Variants in CTNNBIP1 observed in about 807,000 individuals in gnomAD.
CTNNBIP1 encodes catenin beta interacting protein 1.
In CTNNBIP1, 7 loss-of-function variants were observed where a neutral mutation model predicts 11.8. The observed-to-expected ratio is 0.60, with a 90% confidence interval of 0.34 to 1.12. CTNNBIP1 has a LOEUF of 1.12. Ranked by LOEUF, CTNNBIP1 falls within the 50% of genes most tolerant of loss-of-function variation. The pLI, the probability that CTNNBIP1 is intolerant of heterozygous loss-of-function variation, is 0.03. For missense variants in CTNNBIP1, 101 were observed against 113.4 expected (o/e 0.89, Z 0.50); for synonymous variants, 58 against 43.9 (o/e 1.32, Z -1.26).
At chr1:9,861,411 G>A (rs1409286574) in intron 5 of CTNNBIP1, among the ~76,000 whole-genome samples, 1 of 152,202 alleles carries the variant, frequency 6.6e-6, no homozygotes, top group Non-Finnish European at 1.5e-5. Context: ...TATGAGCTGG[G>A]TGTTCTATAC....
rs916110427 is a variant in CTNNBIP1 at position 9,883,914 on chromosome 1, C to T, written c.-143-176G>A. ...TGGGGGAGCTCAGGGGAGGTCACCA[C>T]CCAAACAGTCAAGGAGGAAGAAGGT... On this transcript the variant is annotated intron_variant, in intron 1 of 5. Transcript: ENST00000377263. The surrounding 1 kb of genome is among the most constrained non-coding windows in gnomAD (Gnocchi z 5.6). Among the ~76,000 whole-genome samples, 2 of 152,196 alleles carry T rather than the reference C, an allele frequency of 1.3e-5. No homozygotes were observed. The highest frequency in any genetic ancestry group is 2.1e-4 in the South Asian group (1 of 4,814).
At chr1:9,857,044 C>T (rs1638518668) in intron 5 of CTNNBIP1, among the ~76,000 whole-genome samples, 1 of 150,292 alleles carries the variant, frequency 6.7e-6, no homozygotes, top group Non-Finnish European at 1.5e-5. Context: ...ATCGCTTGAA[C>T]CCGGGAGGCA....
intron 2 of CTNNBIP1, among the ~76,000 whole-genome samples, chr1:9,878,993 C>T (rs538400962): frequency 1.2e-4 from 19 of 152,206 alleles, no homozygotes; most frequent in African/African-American, 3.6e-4. Flanking sequence ...GTCAGGCGTT[C>T]GAGACCAGCC....
At chr1:9,899,498 C>T (rs921385458) in intron 1 of CTNNBIP1, among the ~76,000 whole-genome samples, 10 of 148,952 alleles carry the variant, frequency 6.7e-5, no homozygotes, top group Non-Finnish European at 1.3e-4. Flanking sequence ...CAGTGCCTCA[C>T]GCCTGTAATC....
In CTNNBIP1 at chr1:9,871,167, C is replaced by A. The variant is rs1570573024; in HGVS notation, c.187+20G>T. ...CCTGGGACTTGTGCCACTGCCCCAGCCCCTCTGCCGCCAACTCACCCTGGT... is the reference window on the plus strand; with the variant it reads ...CCTGGGACTTGTGCCACTGCCCCAGACCCTCTGCCGCCAACTCACCCTGGT... On this transcript the variant is annotated intron_variant, in intron 5 of 5. Transcript: ENST00000377263. This position sits in a 1 kb window ranked among gnomAD's most constrained non-coding sequence, Gnocchi z 5.2. 1 of 1,545,294 alleles carries A rather than the reference C, an allele frequency of 6.5e-7. No individual in the cohort carries two copies. The highest frequency in any genetic ancestry group is 2.4e-5 in the East Asian group (1 of 41,922).
chr1:9,907,600 C>T lies in CTNNBIP1; in HGVS notation c.-144+2495G>A, dbSNP rs542004709. Reference sequence around the variant, plus strand: ...AATGTTCCCATTTAAACAATACAACCGGATGTGGGAATGAAACCCAGTGTA... The same window carrying T: ...AATGTTCCCATTTAAACAATACAACTGGATGTGGGAATGAAACCCAGTGTA... On this transcript the variant is annotated intron_variant, in intron 1 of 5. Transcript: ENST00000377263. Among the ~76,000 whole-genome samples, 6 of 152,262 alleles carry T rather than the reference C, an allele frequency of 3.9e-5. No homozygotes were observed. In the East Asian group the frequency reaches 5.8e-4, roughly 15 times the overall value.
intron 1 of CTNNBIP1, among the ~76,000 whole-genome samples, chr1:9,895,199 A>G (rs1271380515): frequency 6.9e-6 from 1 of 144,758 alleles, no homozygotes; most frequent in Non-Finnish European, 1.5e-5. Context: ...GAGCCACTGC[A>G]CCCGGCCTGT....
chr1:9,863,169 G>C (rs1023382295), intron 5 of CTNNBIP1, among the ~76,000 whole-genome samples: 8 of 152,178 alleles, frequency 5.3e-5, no homozygotes, highest in African/African-American at 7.2e-5. Flanking sequence ...CTGCACTTCA[G>C]CACATTCCTC....
intron 1 of CTNNBIP1, among the ~76,000 whole-genome samples, chr1:9,892,625 T>G (rs560579291): frequency 1.4e-4 from 22 of 151,794 alleles, no homozygotes; most frequent in Middle Eastern, 3.4e-3. Flanking sequence ...TTAAGGCCAC[T>G]GCCTCTTTCC....
In CTNNBIP1 at chr1:9,867,196, A is replaced by G. The variant is rs1220413; in HGVS notation, c.187+3991T>C. 0.14 allele frequency among the ~76,000 whole-genome samples: 21,028 copies of G among 152,114 alleles called. 1,640 individuals are homozygous for G. Among genetic ancestry groups the G allele is most frequent in the South Asian group, 0.2 (957 of 4,828 alleles). On this transcript the variant is annotated intron_variant, in intron 5 of 5. Transcript: ENST00000377263. The surrounding 1 kb of genome is among the most constrained non-coding windows in gnomAD (Gnocchi z 4.6). ...GCCAGTGAGGGGTGACGTGAAGGACAAGGGAGGGAAAGGAGGCTGTCATTG... is the reference window on the plus strand; with the variant it reads ...GCCAGTGAGGGGTGACGTGAAGGACGAGGGAGGGAAAGGAGGCTGTCATTG...
At chr1:9,897,306 T>G (rs1011892483) in intron 1 of CTNNBIP1, among the ~76,000 whole-genome samples, 1 of 151,550 alleles carries the variant, frequency 6.6e-6, no homozygotes, top group African/African-American at 2.4e-5. Flanking sequence ...TACAAAAAAT[T>G]AGCCAGATGT....
intron 2 of CTNNBIP1, among the ~76,000 whole-genome samples, chr1:9,878,729 G>A (rs1212848933): frequency 1.3e-5 from 2 of 152,224 alleles, no homozygotes; most frequent in Non-Finnish European, 2.9e-5. Flanking sequence ...AGAAGCAGGA[G>A]GCTGTGAGGG....
intron 1 of CTNNBIP1, among the ~76,000 whole-genome samples, chr1:9,895,924 G>T (rs762137191): frequency 6.6e-6 from 1 of 152,126 alleles, no homozygotes; most frequent in South Asian, 2.1e-4. Context: ...CACCACGCCC[G>T]ACCTTCCCAA....
At position 9,871,986 on chromosome 1, in the gene CTNNBIP1, G is replaced by A. The variant is rs770182367; in HGVS notation, c.79C>T (p.Arg27Trp). ...GCACTCACGTTTGATCCCATCTTCC[G>A]CAGCATGAGCAGCACTCGGACCTTC... is the stretch of plus-strand genomic sequence containing the variant. ...QQKVRVLLML[R>W]KMGSNLTASE... The change falls in exon 4 of 6, where the codon CGG becomes TGG. Residue 27 changes from arginine to tryptophan, a missense_variant. Transcript: ENST00000377263. This position sits in a 1 kb window ranked among gnomAD's most constrained non-coding sequence, Gnocchi z 5.2. 5.0e-6 allele frequency: 8 copies of A among 1,613,956 alleles called. No individual in the cohort carries two copies. Among genetic ancestry groups the A allele is most frequent in the South Asian group, 2.2e-5 (2 of 91,092 alleles).
intron 2 of CTNNBIP1, among the ~76,000 whole-genome samples, chr1:9,882,307 C>T (rs1000852179): frequency 1.3e-5 from 2 of 152,232 alleles, no homozygotes; most frequent in East Asian, 1.9e-4. Flanking sequence ...AAAAGAGCCA[C>T]GGCTCACATG....
chr1:9,883,928 G>C lies in CTNNBIP1; in HGVS notation c.-143-190C>G, dbSNP rs1045982991. 4.6e-5 allele frequency among the ~76,000 whole-genome samples: 7 copies of C among 152,224 alleles called. No homozygotes were observed. Among genetic ancestry groups the C allele is most frequent in the Non-Finnish European group, 1.0e-4 (7 of 68,046 alleles). On this transcript the variant is annotated intron_variant, in intron 1 of 5. Transcript: ENST00000377263. This position sits in a 1 kb window ranked among gnomAD's most constrained non-coding sequence, Gnocchi z 5.6. Reference sequence around the variant, plus strand: ...GGAGGTCACCACCCAAACAGTCAAGGAGGAAGAAGGTGGGGGAACGGGAGT... The same window carrying C: ...GGAGGTCACCACCCAAACAGTCAAGCAGGAAGAAGGTGGGGGAACGGGAGT...
At chr1:9,897,729 A>C (rs574267821) in intron 1 of CTNNBIP1, among the ~76,000 whole-genome samples, 76 of 151,918 alleles carry the variant, frequency 5.0e-4, no homozygotes, top group African/African-American at 1.8e-3. Flanking sequence ...CAGGAGAATC[A>C]CTTGAAGCTG....
chr1:9,872,072 C>A lies in CTNNBIP1; in HGVS notation c.-8G>T. On this transcript the variant is annotated 5_prime_UTR_variant, in exon 4 of 6. Transcript: ENST00000377263. The surrounding 1 kb of genome is among the most constrained non-coding windows in gnomAD (Gnocchi z 4.0). Reference sequence around the variant, plus strand: ...AGCTCCCTCGCGGTTCATCCCCCTGCCTGGCTCTGGGGACTCCTGCAGAGC... The same window carrying A: ...AGCTCCCTCGCGGTTCATCCCCCTGACTGGCTCTGGGGACTCCTGCAGAGC... 1 of 1,610,238 alleles carries A rather than the reference C, an allele frequency of 6.2e-7. No individual in the cohort carries two copies. Among genetic ancestry groups the A allele is most frequent in the Non-Finnish European group, 8.5e-7 (1 of 1,176,410 alleles).
chr1:9,870,196 G>A (rs749393378), intron 5 of CTNNBIP1, among the ~76,000 whole-genome samples: 1 of 152,234 alleles, frequency 6.6e-6, no homozygotes, highest in African/African-American at 2.4e-5. Context: ...AGCAAACGCA[G>A]CCGTCAGCAC....
Sources: gnomAD v4.1 joint callset for allele counts (sites outside exome capture counted in the v4.1 genomes callset) on GRCh38, gnomAD v4.1.1 for gene constraint, Gnocchi (gnomAD v3.1) non-coding constraint, MANE v1.5 for transcripts, NCBI Gene and HGNC (gene_info 2026-07-23, HGNC 2026-07-21) for gene names.